Variants in PCNX4 observed in about 807,000 individuals in gnomAD.
The protein encoded by PCNX4 is pecanex 4.
PCNX4 carries 103 observed loss-of-function variants against 107.2 expected under a neutral mutation model. The ratio of observed to expected loss-of-function variants is 0.96; its 90% confidence interval spans 0.82 to 1.13. The LOEUF (loss-of-function observed/expected upper bound fraction) is 1.13. Ranked by LOEUF, PCNX4 falls within the 50% of genes most tolerant of loss-of-function variation. The pLI is 0.00. For synonymous variants in PCNX4, 541 were observed against 481.7 expected (o/e 1.12, Z -1.61); for missense variants, 1,528 against 1,379.4 (o/e 1.11, Z -1.71).
chr14:60,121,519 C>CT lies in PCNX4; in HGVS notation c.2046+224dup, dbSNP rs143549383. On this transcript the variant is annotated intron_variant, in intron 8 of 10. Coordinates refer to ENST00000406854, the MANE Select transcript of PCNX4 (RefSeq NM_001330177.2). Reference sequence around the variant, plus strand: ...CATGGTAGCAAAATATACCTGCTTCCTTTTCTTCCAGTCCTATTCTTGTTA... The same window carrying CT: ...CATGGTAGCAAAATATACCTGCTTCCTTTTTCTTCCAGTCCTATTCTTGTTA... Among the ~76,000 whole-genome samples, 471 of 152,188 alleles carry CT rather than the reference C, an allele frequency of 3.1e-3. 11 individuals carry two copies. The East Asian group carries it at 0.051, about 16-fold the overall frequency.
At chr14:60,109,899 A>G (rs145212455) in intron 2 of PCNX4, 4 of 167,294 alleles carry the variant, frequency 2.4e-5, no homozygotes, top group Non-Finnish European at 5.9e-5. Context: ...GAAGTTGGAT[A>G]CCTACGTAAG....
intron 10 of PCNX4, among the ~76,000 whole-genome samples, chr14:60,131,914 A>G (rs1488307448): frequency 2.0e-5 from 3 of 152,246 alleles, no homozygotes; most frequent in African/African-American, 7.2e-5. Context: ...CTAATTTTCA[A>G]CAAGGATGCC....
In PCNX4 at chr14:60,107,578, T is replaced by C; in HGVS notation, c.-53-8T>C. The C allele has an allele frequency of 7.1e-7, 1 of 1,417,736 alleles. No individual in the cohort carries two copies. Among genetic ancestry groups the C allele is most frequent in the South Asian group, 1.4e-5 (1 of 71,990 alleles). The allele number at this position is 1,417,736 out of a possible 1,614,324, so 87.8% of individuals were successfully genotyped here. A position where few individuals can be genotyped will look rare whatever the true frequency, so the allele number is the denominator to read the frequency against. On this transcript the variant is annotated splice_polypyrimidine_tract_variant and splice_region_variant and intron_variant, in intron 1 of 10. Coordinates refer to ENST00000406854, the MANE Select transcript of PCNX4 (RefSeq NM_001330177.2). The stretch of plus-strand genomic sequence containing the variant: ...AAACAGTGACTTTTTTTAATTTTTA[T>C]TTTTTAGAAACTGCTGTGTTACAGA...
rs748017150 is a variant in PCNX4, at chr14:60,134,057, GC to G, written c.3357del (p.Asn1120IlefsTer26). 1 of 1,613,760 alleles carries G rather than the reference GC, an allele frequency of 6.2e-7. No homozygotes were observed. The highest frequency in any genetic ancestry group is 8.5e-7 in the Non-Finnish European group (1 of 1,179,782). On this transcript the variant is annotated frameshift_variant, in exon 11 of 11. Transcript: ENST00000406854. LOFTEE classifies it high-confidence loss of function. The stretch of plus-strand genomic sequence containing the variant: ...TCCTGAAGCTGTTAGAGGTCAGTGG[GC>G]CAATCTTTCATGGGAATTACTTTAT... ...LNPEAVRGQW[A>X]NLSWELLYAT...
intron 1 of PCNX4, among the ~76,000 whole-genome samples, chr14:60,102,326 A>G (rs1161042589): frequency 1.6e-5 from 1 of 61,768 alleles, no homozygotes; most frequent in African/African-American, 3.2e-5. Context: ...GATTTAAAAA[A>G]ACTTCAATCA....
chr14:60,118,619 T>C lies in PCNX4; in HGVS notation c.1869T>C (p.Asp623=), dbSNP rs1220426229. ...GCACCACAGCCTGTGTGTGTGCAGA[T>C]ACAGTGTACTACTACCAAATGGTGC... ...AAGTTACVCA[D]TVYYYQMVPR... is the part of the protein sequence containing the mutation. Residue 623 remains aspartate (D), a synonymous_variant, in exon 7 of 11, where the codon GAT becomes GAC. Coordinates refer to ENST00000406854, the MANE Select transcript of PCNX4 (RefSeq NM_001330177.2). 7 of 1,613,798 alleles carry C rather than the reference T, an allele frequency of 4.3e-6. No individual in the cohort carries two copies. The highest frequency in any genetic ancestry group is 5.1e-6 in the Non-Finnish European group (6 of 1,179,830).
rs774315619 is a variant in PCNX4 at position 60,125,204 on chromosome 14, G to T, written c.3033G>T (p.Trp1011Cys). The T allele has an allele frequency of 1.2e-6, 2 of 1,605,020 alleles. No individual in the cohort carries two copies. Among genetic ancestry groups the T allele is most frequent in the Non-Finnish European group, 1.7e-6 (2 of 1,176,644 alleles). The change falls in exon 9 of 11, where the codon TGG becomes TGT. Residue 1011 changes from tryptophan (W) to cysteine (C), a missense_variant. By Grantham distance (215) the Trp-to-Cys change is radical. Coordinates refer to ENST00000406854, the MANE Select transcript of PCNX4 (RefSeq NM_001330177.2). ...GVLPWSVALD[W>C]LTEKPELFQL... The stretch of plus-strand genomic sequence containing the variant: ...TGCCTTGGTCTGTTGCTTTGGACTG[G>T]CTCACAGAAAAGCCAGAACTGTTTC...
chr14:60,093,774 C>A (rs1038996284), intron 1 of PCNX4, among the ~76,000 whole-genome samples: 2 of 152,250 alleles, frequency 1.3e-5, no homozygotes, highest in East Asian at 3.9e-4. Flanking sequence ...TAGACTGTTT[C>A]CCAAAGGAGC....
intron 7 of PCNX4, among the ~76,000 whole-genome samples, chr14:60,119,842 C>G (rs933620734): frequency 6.6e-5 from 10 of 152,012 alleles, no homozygotes; most frequent in Admixed American, 6.5e-4. Flanking sequence ...AAAATGTAAA[C>G]AATTTGACAC....
Position 60,121,250 on chromosome 14 carries a change from G to C in PCNX4, c.1997G>C (p.Trp666Ser). The change falls in exon 8 of 11, where the codon TGG becomes TCG. Residue 666 changes from tryptophan to serine, a missense_variant. Transcript: ENST00000406854. ...YLGRFQDRLM[W>S]IMILECGYTY... ...GGCCGTTTTCAGGATCGTTTAATGT[G>C]GATAATGATTCTGGAATGTGGCTAT... The C allele has an allele frequency of 1.2e-6, 2 of 1,600,048 alleles. No homozygotes were observed. The highest frequency in any genetic ancestry group is 1.7e-6 in the Non-Finnish European group (2 of 1,172,684).
Position 60,140,688 on chromosome 14 carries a change from T to C in PCNX4, c.*6467T>C, listed in dbSNP as rs2140577241. On this transcript the variant is annotated 3_prime_UTR_variant, in exon 11 of 11. Coordinates refer to ENST00000406854, the MANE Select transcript of PCNX4 (RefSeq NM_001330177.2). The surrounding 1 kb of genome is among the most constrained non-coding windows in gnomAD (Gnocchi z 4.2). ...TGAAAAAGTGAGGTTGGTGTGATAG[T>C]TGCAAATCAATCAATATGATTCAAC... The C allele has an allele frequency of 6.6e-6, 1 of 152,242 alleles. No homozygotes were observed. Among genetic ancestry groups the C allele is most frequent in the Non-Finnish European group, 1.5e-5 (1 of 68,016 alleles). 9.4% of individuals were successfully genotyped at this position (152,242 alleles called of 1,614,324 possible).
rs79904077 is a variant in PCNX4 at position 60,102,557 on chromosome 14, C to A, written c.-53-5029C>A. On this transcript the variant is annotated intron_variant, in intron 1 of 10. Transcript: ENST00000406854. ...AGTAATGTGTAACAAATATGACTCCCAAATAAAGCAGCATTTCTGTGGCTA... is the reference window on the plus strand; with the variant it reads ...AGTAATGTGTAACAAATATGACTCCAAAATAAAGCAGCATTTCTGTGGCTA... Among the ~76,000 whole-genome samples, 444 of 152,244 alleles carry A rather than the reference C, an allele frequency of 2.9e-3. 1 individual carries two copies. The highest frequency in any genetic ancestry group is 0.01 in the African/African-American group (417 of 41,532).
At position 60,138,056 on chromosome 14, in the gene PCNX4, A is replaced by C. The variant is rs1896262342; in HGVS notation, c.*3835A>C. 6.6e-6 allele frequency: 1 copy of C among 151,624 alleles called. No individual in the cohort carries two copies. The highest frequency in any genetic ancestry group is 2.1e-4 in the South Asian group (1 of 4,800). 9.4% of individuals were successfully genotyped at this position (151,624 alleles called of 1,614,324 possible). A position where few individuals can be genotyped will look rare whatever the true frequency, so the allele number is the denominator to read the frequency against. ...CAGTGAGCCAAGATCATGCCACTGC[A>C]CTCCAGCCTGGGCGACAGAGCGAGA... On this transcript the variant is annotated 3_prime_UTR_variant, in exon 11 of 11. Coordinates refer to ENST00000406854, the MANE Select transcript of PCNX4 (RefSeq NM_001330177.2).
At chr14:60,101,171 T>G (rs1423880594) in intron 1 of PCNX4, among the ~76,000 whole-genome samples, 4 of 152,226 alleles carry the variant, frequency 2.6e-5, no homozygotes, top group African/African-American at 9.7e-5. Context: ...AGCCCCTTCT[T>G]TGAGTTGTCC....
chr14:60,096,261 C>CT (rs1895423095), intron 1 of PCNX4, among the ~76,000 whole-genome samples: 1 of 152,178 alleles, frequency 6.6e-6, no homozygotes, highest in Admixed American at 6.5e-5. Context: ...TGCCGTGAGT[C>CT]TATGTAAAGC....
intron 2 of PCNX4, 81 bp from the exon 3 acceptor site, chr14:60,114,619 A>T (rs1895804514): frequency 5.0e-6 from 6 of 1,204,936 alleles, no homozygotes; most frequent in Admixed American, 2.4e-5. Context: ...GTGTGTTGTT[A>T]TTCTGTGTTG....
In PCNX4 at chr14:60,092,186, G is replaced by C. The variant is rs1366742547; in HGVS notation, c.-287G>C. On this transcript the variant is annotated 5_prime_UTR_variant, in exon 1 of 11. Transcript: ENST00000406854. ...AGGCGCCGACGAGGTCCCCGAACGC[G>C]CACGCGCTCCGTTCAGCTCCGGGTG... 3.3e-5 allele frequency: 5 copies of C among 152,316 alleles called. No homozygotes were observed. Among genetic ancestry groups the C allele is most frequent in the Non-Finnish European group, 7.3e-5 (5 of 68,094 alleles). The allele number at this position is 152,316 out of a possible 1,614,324, so 9.4% of individuals were successfully genotyped here. A position where few individuals can be genotyped will look rare whatever the true frequency, so the allele number is the denominator to read the frequency against.
chr14:60,125,291 G>T, intron 9 of PCNX4, 40 bp downstream of exon 9: 1 of 1,433,778 alleles, frequency 7.0e-7, no homozygotes, highest in African/African-American at 1.4e-5. Flanking sequence ...AACATTGTTG[G>T]AAAAATACTG....
rs751788834 is a variant in PCNX4, at chr14:60,134,272, C to G, written c.*51C>G. ...AAATGCAATGTTTTTATTTTTTCAT[C>G]CTAAAAAAGTAACTGTGATTCTTGT... On this transcript the variant is annotated 3_prime_UTR_variant, in exon 11 of 11. Coordinates refer to ENST00000406854, the MANE Select transcript of PCNX4 (RefSeq NM_001330177.2). 17 of 1,580,518 alleles carry G rather than the reference C, an allele frequency of 1.1e-5. No individual in the cohort carries two copies. The highest frequency in any genetic ancestry group is 1.5e-5 in the Non-Finnish European group (17 of 1,158,300).
Sources: allele counts gnomAD v4.1 joint callset (sites outside exome capture counted in the v4.1 genomes callset), GRCh38; gene constraint gnomAD v4.1.1; non-coding constraint Gnocchi (gnomAD v3.1); transcripts MANE v1.5; gene names NCBI Gene and HGNC (gene_info 2026-07-23, HGNC 2026-07-21).